Variants in LAMA1 observed in about 807,000 individuals in gnomAD.
The protein encoded by LAMA1 is laminin subunit alpha-1.
Under a neutral mutation model 348.7 loss-of-function variants are expected in LAMA1, and 219 were observed. The ratio of observed to expected loss-of-function variants is 0.63; its 90% CI spans 0.56 to 0.70. LAMA1 has a LOEUF of 0.70. Among genes scored for constraint, LAMA1 ranks in the 30% least tolerant of loss-of-function variants. The probability of loss-of-function intolerance (pLI) is 0.00; values close to 1 mark genes in which losing one functional copy is unlikely to be tolerated. For synonymous variants in LAMA1, 1,487 were observed against 1,491.0 expected, an observed-to-expected ratio of 1.00 and a Z score of 0.06; for missense variants, 3,744 against 3,888.0, an observed-to-expected ratio of 0.96 and a Z score of 0.99.
chr18:6,998,252 G>A (rs752321112), intron 32 of LAMA1, among the ~76,000 whole-genome samples: 1 of 152,166 alleles, frequency 6.6e-6, no homozygotes, highest in Non-Finnish European at 1.5e-5. Flanking sequence ...AAAAACAGCA[G>A]GGGGAAGAGG....
At chr18:7,070,288 T>C (rs1440648886) in intron 3 of LAMA1, among the ~76,000 whole-genome samples, 1 of 152,200 alleles carries the variant, frequency 6.6e-6, no homozygotes, top group Non-Finnish European at 1.5e-5. Context: ...ACAAAAAGCA[T>C]ACAGTAAAAG....
Position 7,080,047 on chromosome 18 carries a change from G to A in LAMA1, c.273C>T (p.Asn91=). Residue 91 remains asparagine, a synonymous_variant, in exon 3 of 63, where the codon AAC becomes AAT. Coordinates refer to ENST00000389658, the MANE Select transcript of LAMA1 (RefSeq NM_005559.4). ...TCTGAATGCTGGGACTTTGCCACCA[G>A]TTATTGGTGCCATCTATGGCATGTG... The part of the protein sequence containing the change: ...PISHAIDGTN[N]WWQSPSIQNG... 6.2e-7 allele frequency: 1 copy of A among 1,614,062 alleles called. No homozygotes were observed.
At chr18:7,014,387 G>A (rs1392607950) in intron 22 of LAMA1, among the ~76,000 whole-genome samples, 1 of 152,186 alleles carries the variant, frequency 6.6e-6, no homozygotes, top group Admixed American at 6.5e-5. Context: ...TTGGGATACA[G>A]AGGTGGGAAG....
intron 1 of LAMA1, among the ~76,000 whole-genome samples, chr18:7,089,645 T>C (rs2058231924): frequency 6.6e-6 from 1 of 152,242 alleles, no homozygotes; most frequent in African/African-American, 2.4e-5. Flanking sequence ...AAACCCCCTG[T>C]TGCCTGAGCG....
intron 3 of LAMA1, among the ~76,000 whole-genome samples, chr18:7,057,598 C>G (rs2058087288): frequency 6.6e-6 from 1 of 150,894 alleles, no homozygotes; most frequent in South Asian, 2.1e-4. Context: ...CCTCAGCCTC[C>G]CAAATCTCTG....
At chr18:6,954,763 AC>A in intron 57 of LAMA1, 6 of 179,786 alleles carry the variant, frequency 3.3e-5, no homozygotes, top group South Asian at 1.2e-4. Flanking sequence ...ACAGCCAATG[AC>A]AACAAGACGG....
rs1291122735 is a variant in LAMA1 at position 7,017,246 on chromosome 18, G to A, written c.2808+32C>T. Reference sequence around the variant, plus strand: ...TGGATTCAATCGCCTCTGTACCAAGGCTAAGGTGTCAATTAGTCACATGCA... The same window carrying A: ...TGGATTCAATCGCCTCTGTACCAAGACTAAGGTGTCAATTAGTCACATGCA... On this transcript the variant is annotated intron_variant, in intron 20 of 62. Transcript: ENST00000389658. The A allele has an allele frequency of 3.9e-6, 6 of 1,538,892 alleles. No homozygotes were observed. In the East Asian group the frequency reaches 1.1e-4, roughly 29 times the overall value.
At chr18:7,066,527 C>T (rs1371711667) in intron 3 of LAMA1, among the ~76,000 whole-genome samples, 1 of 152,094 alleles carries the variant, frequency 6.6e-6, no homozygotes, top group African/African-American at 2.4e-5. Context: ...CGTGTTATAG[C>T]AATTTGACTG....
intron 5 of LAMA1, 38 bp downstream of exon 5, chr18:7,049,040 T>A (rs756949834): frequency 2.0e-5 from 31 of 1,575,152 alleles, no homozygotes; most frequent in Non-Finnish European, 2.6e-5. Flanking sequence ...AAATGAATCT[T>A]TTTATTTTAT....
In LAMA1 at chr18:7,013,840, T is replaced by G. The variant is rs763722181; in HGVS notation, c.3338A>C (p.Glu1113Ala). Reference protein sequence around the residue: ...NLEQGLCGCVEETGACPCKEN... With the variant: ...NLEQGLCGCVAETGACPCKEN... ...CTTGCAAGGGCAGGCCCCGGTTTCC[T>G]CCACACAGCCGCAGAGACCCTGCTC... The change falls in exon 23 of 63, where the codon GAG (glutamate) becomes GCG (alanine). Residue 1113 changes from glutamate to alanine, a missense_variant. Glu to Ala is a moderately radical substitution (Grantham distance 107). Coordinates refer to ENST00000389658, the MANE Select transcript of LAMA1 (RefSeq NM_005559.4). 1.9e-6 allele frequency: 3 copies of G among 1,611,538 alleles called. No individual in the cohort carries two copies. Among genetic ancestry groups the G allele is most frequent in the South Asian group, 2.2e-5 (2 of 90,562 alleles).
At position 7,032,066 on chromosome 18, in the gene LAMA1, A is replaced by G; in HGVS notation, c.2274T>C (p.Ile758=). Reference sequence around the variant, plus strand: ...ACCTGAACTACAGTGAGAGACTCACAATGCAAACGCCGTGAACATTACACT... The same window carrying G: ...ACCTGAACTACAGTGAGAGACTCACGATGCAAACGCCGTGAACATTACACT... ...AAECNVHGVC[I]ACAHNTTGVH... is the part of the protein sequence containing the mutation. The change falls in exon 16 of 63, where the codon ATT becomes ATC. Residue 758 remains isoleucine (I), a splice_region_variant and synonymous_variant. Coordinates refer to ENST00000389658, the MANE Select transcript of LAMA1 (RefSeq NM_005559.4). 1 of 1,613,518 alleles carries G rather than the reference A, an allele frequency of 6.2e-7. No individual in the cohort carries two copies. The highest frequency in any genetic ancestry group is 8.5e-7 in the Non-Finnish European group (1 of 1,179,444).
intron 26 of LAMA1, 28 bp downstream of exon 26, chr18:7,010,172 A>G: frequency 6.2e-7 from 1 of 1,612,180 alleles, no homozygotes; most frequent in South Asian, 1.1e-5. Flanking sequence ...GTCTTTAAGG[A>G]ACTTCTATGA....
intron 5 of LAMA1, 50 bp downstream of exon 5, chr18:7,049,028 T>A (rs772930600): frequency 3.7e-5 from 57 of 1,547,928 alleles, no homozygotes; most frequent in Non-Finnish European, 5.0e-5. Context: ...TTCCTTTAAA[T>A]AAAATGAATC....
Position 6,956,623 on chromosome 18 carries a change from A to G in LAMA1, c.8094+13T>C. On this transcript the variant is annotated intron_variant, in intron 56 of 62. Coordinates refer to ENST00000389658, the MANE Select transcript of LAMA1 (RefSeq NM_005559.4). ...GACTGGACCTGACTGATAGTAAAGG[A>G]AGCCGCTCCTACTGGAAAAGCCCGG... The G allele has an allele frequency of 6.2e-7, 1 of 1,613,986 alleles. No individual in the cohort carries two copies. The highest frequency in any genetic ancestry group is 8.5e-7 in the Non-Finnish European group (1 of 1,180,008).
intron 1 of LAMA1, among the ~76,000 whole-genome samples, chr18:7,082,990 G>T (rs1422376880): frequency 3.3e-5 from 5 of 150,738 alleles, no homozygotes; most frequent in Non-Finnish European, 5.9e-5. Context: ...GGAGGGGAGG[G>T]GGCCAGGGAG....
At chr18:7,010,131 C>T in intron 26 of LAMA1, 69 bp downstream of exon 26, 2 of 1,564,072 alleles carry the variant, frequency 1.3e-6, no homozygotes, top group Non-Finnish European at 1.8e-6. Flanking sequence ...TAATGGCTTT[C>T]ATCTTTCACT....
At chr18:6,992,522 T>C (rs2057763249) in intron 36 of LAMA1, 39 bp downstream of exon 36, 1 of 1,609,014 alleles carries the variant, frequency 6.2e-7, no homozygotes, top group South Asian at 1.1e-5. Flanking sequence ...AGTTTCTCTC[T>C]CTACTTGGTT....
intron 1 of LAMA1, among the ~76,000 whole-genome samples, chr18:7,109,589 G>A (rs1321320714): frequency 6.6e-6 from 1 of 152,142 alleles, no homozygotes; most frequent in Admixed American, 6.5e-5. Context: ...GTTTTCAGTG[G>A]GAAACGGGAG....
In LAMA1 at chr18:6,978,301, C is replaced by T. The variant is rs148215666; in HGVS notation, c.6085G>A (p.Val2029Met). Residue 2029 changes from valine (V) to methionine (M), a missense_variant, in exon 43 of 63, where the codon GTG becomes ATG. Physicochemically the swap from Val to Met is conservative, Grantham distance 21. Coordinates refer to ENST00000389658, the MANE Select transcript of LAMA1 (RefSeq NM_005559.4). ...AGCAGCTCCTGGCTCAGCCCCGCCACGTCCCTCAGCGTGCTCACCGCGCTC... is the reference window on the plus strand; with the variant it reads ...AGCAGCTCCTGGCTCAGCCCCGCCATGTCCCTCAGCGTGCTCACCGCGCTC... ...SQSAVSTLRD[V>M]AGLSQELLNT... 17 of 1,614,238 alleles carry T rather than the reference C, an allele frequency of 1.1e-5. No homozygotes were observed. The highest frequency in any genetic ancestry group is 6.7e-5 in the African/African-American group (5 of 75,056).
Sources: gnomAD v4.1 joint callset for allele counts (sites outside exome capture counted in the v4.1 genomes callset) on GRCh38, gnomAD v4.1.1 for gene constraint, MANE v1.5 for transcripts, NCBI Gene and HGNC (gene_info 2026-07-23, HGNC 2026-07-21) for gene names.